GMDS: variants seen among roughly 807,000 people sequenced by gnomAD.
GMDS encodes GDP-mannose 4,6-dehydratase.
In GMDS, 20 loss-of-function variants were observed where a neutral mutation model predicts 49.9. The observed-to-expected ratio is 0.40, with a 90% CI of 0.28 to 0.58. GMDS has a LOEUF of 0.58. GMDS is among the 20% of genes least tolerant of loss of function. The pLI, the probability that GMDS is intolerant of heterozygous loss-of-function variation, is 0.42. For missense variants in GMDS, 362 were observed against 481.4 expected, an observed-to-expected ratio of 0.75 and a Z score of 2.32; for synonymous variants, 177 against 178.6, an observed-to-expected ratio of 0.99 and a Z score of 0.07.
At chr6:2,028,852 T>G (rs1768777632) in intron 4 of GMDS, among the ~76,000 whole-genome samples, 1 of 152,144 alleles carries the variant, frequency 6.6e-6, no homozygotes, top group Non-Finnish European at 1.5e-5. Flanking sequence ...ACGACTATAT[T>G]CCAGTTAACA....
intron 7 of GMDS, among the ~76,000 whole-genome samples, chr6:1,787,888 AG>A (rs1769384523): frequency 1.3e-5 from 2 of 152,214 alleles, no homozygotes; most frequent in South Asian, 4.1e-4. Flanking sequence ...GAGTGTGTAC[AG>A]GACTGAAATG....
At chr6:1,788,987 T>C (rs369631097) in intron 7 of GMDS, among the ~76,000 whole-genome samples, 4 of 152,182 alleles carry the variant, frequency 2.6e-5, no homozygotes, top group African/African-American at 4.8e-5. Context: ...CCTGCACTTA[T>C]AACCAACTGG....
intron 9 of GMDS, among the ~76,000 whole-genome samples, chr6:1,702,521 A>C (rs901716940): frequency 1.3e-5 from 2 of 151,738 alleles, no homozygotes; most frequent in Admixed American, 6.6e-5. Flanking sequence ...GCAGCACCAA[A>C]AAGATCCACA....
intron 6 of GMDS, among the ~76,000 whole-genome samples, chr6:1,933,076 C>A (rs1762370578): frequency 6.6e-6 from 1 of 152,146 alleles, no homozygotes; most frequent in African/African-American, 2.4e-5. Flanking sequence ...AGATAATCTA[C>A]CTTTTATCTC....
chr6:1,786,974 GC>G (rs1240988607), intron 7 of GMDS, among the ~76,000 whole-genome samples: 2 of 152,144 alleles, frequency 1.3e-5, no homozygotes, highest in Non-Finnish European at 2.9e-5. Context: ...CTCTGCCAGC[GC>G]GTACCCACAG....
chr6:1,841,852 A>G (rs907741048), intron 7 of GMDS, among the ~76,000 whole-genome samples: 1 of 151,990 alleles, frequency 6.6e-6, no homozygotes, highest in Admixed American at 6.6e-5. Context: ...CTTTCTTCTC[A>G]CTCACTTCTA....
intron 7 of GMDS, among the ~76,000 whole-genome samples, chr6:1,864,343 G>A (rs1346720117): frequency 2.6e-5 from 4 of 151,950 alleles, no homozygotes; most frequent in Non-Finnish European, 4.4e-5. Context: ...CCATGACAAA[G>A]GAAAAATGAA....
intron 1 of GMDS, among the ~76,000 whole-genome samples, chr6:2,157,922 T>C (rs1056125763): frequency 1.3e-5 from 2 of 152,228 alleles, no homozygotes; most frequent in Non-Finnish European, 2.9e-5. Context: ...ACTCTTTCCC[T>C]GAGTATCTAA....
chr6:1,962,386 G>A (rs1764002505), intron 4 of GMDS, among the ~76,000 whole-genome samples: 1 of 152,136 alleles, frequency 6.6e-6, no homozygotes, highest in Non-Finnish European at 1.5e-5. Flanking sequence ...CGCTTACCAT[G>A]TTTTCACTTT....
intron 7 of GMDS, among the ~76,000 whole-genome samples, chr6:1,753,644 A>C (rs1300962039): frequency 6.6e-6 from 1 of 152,066 alleles, no homozygotes; most frequent in Non-Finnish European, 1.5e-5. Flanking sequence ...GGAAGTAAAC[A>C]CTCCTCAGCA....
intron 1 of GMDS, among the ~76,000 whole-genome samples, chr6:2,225,793 A>T (rs915056017): frequency 6.6e-6 from 1 of 152,250 alleles, no homozygotes; most frequent in Non-Finnish European, 1.5e-5. Context: ...CATCTGGACC[A>T]TGACCTACAA....
intron 1 of GMDS, among the ~76,000 whole-genome samples, chr6:2,138,245 T>C (rs1232071521): frequency 6.6e-6 from 1 of 152,240 alleles, no homozygotes; most frequent in Admixed American, 6.5e-5. Flanking sequence ...AGGAAAGTAA[T>C]TGAAATGTTT....
At chr6:1,768,826 T>C (rs887975971) in intron 7 of GMDS, among the ~76,000 whole-genome samples, 1 of 152,268 alleles carries the variant, frequency 6.6e-6, no homozygotes, top group Non-Finnish European at 1.5e-5. Context: ...TGAATATTCA[T>C]AATTTGTAAA....
chr6:1,830,350 A>C (rs936492897), intron 7 of GMDS, among the ~76,000 whole-genome samples: 3 of 152,208 alleles, frequency 2.0e-5, no homozygotes, highest in South Asian at 2.1e-4. Context: ...ACTTCTACCC[A>C]CTAGGTATCA....
chr6:1,744,754 T>C (rs1486529140), intron 7 of GMDS, among the ~76,000 whole-genome samples: 3 of 152,200 alleles, frequency 2.0e-5, no homozygotes, highest in Non-Finnish European at 4.4e-5. Flanking sequence ...GCAAGTGAAA[T>C]TCCCGCGGCC....
intron 4 of GMDS, among the ~76,000 whole-genome samples, chr6:2,065,815 G>A (rs1048021964): frequency 1.1e-4 from 17 of 152,166 alleles, no homozygotes; most frequent in African/African-American, 3.4e-4. Context: ...TGAAAGTCAC[G>A]GGGAGAATGG....
At chr6:1,942,501 G>A (rs1053353620) in intron 6 of GMDS, among the ~76,000 whole-genome samples, 4 of 152,198 alleles carry the variant, frequency 2.6e-5, no homozygotes, top group Admixed American at 6.5e-5. Flanking sequence ...TGGCTACTGG[G>A]ACTGGTTGAG....
intron 1 of GMDS, among the ~76,000 whole-genome samples, chr6:2,229,079 G>A (rs528152114): frequency 2.0e-5 from 3 of 152,308 alleles, no homozygotes; most frequent in South Asian, 4.1e-4. Flanking sequence ...CTTTTCCCCA[G>A]GGCTTCACTG....
At chr6:1,916,882 GTTTT>G (rs59933624) in intron 7 of GMDS, among the ~76,000 whole-genome samples, 21 of 145,478 alleles carry the variant, frequency 1.4e-4, no homozygotes, top group Middle Eastern at 7.0e-3. Flanking sequence ...GCTTCTTCAG[GTTTT>G]TTTTTTTTTG....
Sources: allele counts gnomAD v4.1 joint callset (sites outside exome capture counted in the v4.1 genomes callset), GRCh38; gene constraint gnomAD v4.1.1; transcripts MANE v1.5; gene names NCBI Gene and HGNC (gene_info 2026-07-23, HGNC 2026-07-21).